PRDM15: variants seen among roughly 807,000 people sequenced by gnomAD.
PRDM15 encodes the protein PR domain zinc finger protein 15.
A neutral mutation model predicts 128.6 loss-of-function variants in PRDM15; 64 were observed. That is an observed-to-expected ratio of 0.50 (90% CI 0.41 to 0.61). The LOEUF (loss-of-function observed/expected upper bound fraction) is 0.61. PRDM15 is among the 20% of genes least tolerant of loss of function. The pLI is 0.00. For missense variants in PRDM15, 1,242 were observed against 1,569.1 expected, an observed-to-expected ratio of 0.79 and a Z score of 3.52; for synonymous variants, 615 against 621.8, an observed-to-expected ratio of 0.99 and a Z score of 0.16.
chr21:41,803,797 T>C (rs2061482579), intron 22 of PRDM15, among the ~76,000 whole-genome samples: 1 of 152,112 alleles, frequency 6.6e-6, no homozygotes, highest in Non-Finnish European at 1.5e-5. Flanking sequence ...ACGAGAGGCA[T>C]ACATGTGATC....
chr21:41,819,910 G>A (rs1351614829), intron 17 of PRDM15, 185 bp downstream of exon 17: 1 of 757,012 alleles, frequency 1.3e-6, no homozygotes, highest in East Asian at 2.7e-5. Context: ...GGGTGAGGGG[G>A]CTGGGGGCGC....
At chr21:41,820,002 CTCTG>C (rs1216775674) in intron 17 of PRDM15, 89 bp downstream of exon 17, 3 of 1,098,728 alleles carry the variant, frequency 2.7e-6, no homozygotes, top group Non-Finnish European at 4.1e-6. Context: ...GGTGCGACGG[CTCTG>C]TGTGTAGAAT....
intron 1 of PRDM15, among the ~76,000 whole-genome samples, chr21:41,873,995 G>A (rs1222314945): frequency 2.0e-5 from 3 of 151,226 alleles, no homozygotes; most frequent in Non-Finnish European, 2.9e-5. Context: ...GCAGTGAGCC[G>A]AGGTTGCAGT....
In PRDM15 at chr21:41,810,853, A is replaced by G; in HGVS notation, c.2393-17T>C. The G allele has an allele frequency of 1.2e-6, 2 of 1,612,100 alleles. No individual in the cohort carries two copies. Among genetic ancestry groups the G allele is most frequent in the Non-Finnish European group, 1.7e-6 (2 of 1,178,274 alleles). ...CTTTAATCCCTGCAGAGAAAGGCGCACATAACTTCCTACGTTTAATGAGTG... is the reference window on the plus strand; with the variant it reads ...CTTTAATCCCTGCAGAGAAAGGCGCGCATAACTTCCTACGTTTAATGAGTG... On this transcript the variant is annotated splice_polypyrimidine_tract_variant and intron_variant, in intron 19 of 23. Coordinates refer to ENST00000398548, the MANE Select transcript of PRDM15 (RefSeq NM_001040424.3). The surrounding 1 kb of genome is among the most constrained non-coding windows in gnomAD (Gnocchi z 6.4).
intron 13 of PRDM15, among the ~76,000 whole-genome samples, chr21:41,825,316 C>T (rs140300532): frequency 7.9e-5 from 12 of 152,378 alleles, no homozygotes; most frequent in South Asian, 2.1e-4. Context: ...TCCCGGGACG[C>T]GCAGCGTGTT....
intron 13 of PRDM15, among the ~76,000 whole-genome samples, chr21:41,823,753 G>C (rs2062369575): frequency 6.6e-6 from 1 of 152,170 alleles, no homozygotes. Flanking sequence ...TATTTCCCTA[G>C]GATGGACTAC....
intron 11 of PRDM15, among the ~76,000 whole-genome samples, chr21:41,831,354 C>T (rs1178995791): frequency 3.9e-5 from 6 of 152,230 alleles, no homozygotes; most frequent in Admixed American, 3.3e-4. Context: ...ACCGGGCTTC[C>T]ACCCAGTAGG....
At chr21:41,840,822 T>C (rs1398988756) in intron 6 of PRDM15, among the ~76,000 whole-genome samples, 2 of 151,606 alleles carry the variant, frequency 1.3e-5, no homozygotes, top group Non-Finnish European at 2.9e-5. Flanking sequence ...TGCTGAATTA[T>C]AACAAGCGGT....
chr21:41,830,722 C>T (rs2062658252), intron 11 of PRDM15, among the ~76,000 whole-genome samples: 3 of 151,836 alleles, frequency 2.0e-5, no homozygotes, highest in African/African-American at 7.3e-5. Context: ...CACAGAAACA[C>T]ACAGCCACAC....
Position 41,802,811 on chromosome 21 carries a change from C to T in PRDM15, c.2844G>A (p.Val948=), listed in dbSNP as rs779497339. The T allele has an allele frequency of 8.1e-6, 13 of 1,614,080 alleles. 1 individual carries two copies. The part of the protein sequence containing the change: ...QKPEEEAGAP[V]PEDATFSEYS... ...ATTCGCTGAAGGTGGCGTCCTCGGG[C>T]ACCGGAGCACCCGCCTCCTCTTCTG... The change falls in exon 23 of 24, where the codon GTG becomes GTA. Residue 948 remains valine (V), a synonymous_variant. Coordinates refer to ENST00000398548, the MANE Select transcript of PRDM15 (RefSeq NM_001040424.3).
chr21:41,810,736 C>T lies in PRDM15; in HGVS notation c.2476+17G>A. ...GCCGCGTGCGCCCCGAAGGCTCCTT[C>T]AGGCTGCGCCGCTCACCTGTGTGGA... On this transcript the variant is annotated intron_variant, in intron 20 of 23. Coordinates refer to ENST00000398548, the MANE Select transcript of PRDM15 (RefSeq NM_001040424.3). The surrounding 1 kb of genome is among the most constrained non-coding windows in gnomAD (Gnocchi z 6.4). The T allele has an allele frequency of 6.2e-7, 1 of 1,612,858 alleles. No homozygotes were observed. Among genetic ancestry groups the T allele is most frequent in the Non-Finnish European group, 8.5e-7 (1 of 1,179,202 alleles).
intron 5 of PRDM15, among the ~76,000 whole-genome samples, chr21:41,852,494 G>A (rs1337902381): frequency 2.6e-5 from 4 of 152,276 alleles, no homozygotes; most frequent in Non-Finnish European, 4.4e-5. Flanking sequence ...GGCCAGGCCA[G>A]GCACCTGGTT....
In PRDM15 at chr21:41,835,417, G is replaced by T; in HGVS notation, c.1366+20C>A. 1 of 1,596,192 alleles carries T rather than the reference G, an allele frequency of 6.3e-7. No individual in the cohort carries two copies. The highest frequency in any genetic ancestry group is 8.5e-7 in the Non-Finnish European group (1 of 1,171,246). On this transcript the variant is annotated intron_variant, in intron 11 of 23. Coordinates refer to ENST00000398548, the MANE Select transcript of PRDM15 (RefSeq NM_001040424.3). ...CCGTACCGCACAGCGGCCGAGGGGA[G>T]ACGTGACCGGCGCCCTCACCTGTCC...
Position 41,819,784 on chromosome 21 carries a change from C to A in PRDM15, c.2141-83G>T, listed in dbSNP as rs879266714. 32 of 1,496,602 alleles carry A rather than the reference C, an allele frequency of 2.1e-5. No homozygotes were observed. In the African/African-American group the frequency reaches 4.0e-4, roughly 19 times the overall value. The allele number at this position is 1,496,602 out of a possible 1,614,324, so 92.7% of individuals were successfully genotyped here. ...AAAGAGGATGCACCAAGGAGAGGGGCCCAGCCTCCCCAGCAGCTAGAAGCG... is the reference window on the plus strand; with the variant it reads ...AAAGAGGATGCACCAAGGAGAGGGGACCAGCCTCCCCAGCAGCTAGAAGCG... On this transcript the variant is annotated intron_variant, in intron 17 of 23. Transcript: ENST00000398548.
At chr21:41,878,650 A>G in intron 1 of PRDM15, 2 of 1,266,676 alleles carry the variant, frequency 1.6e-6, no homozygotes, top group Non-Finnish European at 2.1e-6. Context: ...TGCCACCAAA[A>G]GGCTTACGAA....
At chr21:41,871,373 G>T in intron 1 of PRDM15, 1 of 217,586 alleles carries the variant, frequency 4.6e-6, no homozygotes, top group Non-Finnish European at 7.1e-6. Flanking sequence ...CACCACCTCT[G>T]CCTCTGCCTG....
In PRDM15 at chr21:41,801,308, G is replaced by A. The variant is rs766202873; in HGVS notation, c.3358C>T (p.Pro1120Ser). The A allele has an allele frequency of 2.5e-6, 4 of 1,571,186 alleles. No individual in the cohort carries two copies. The highest frequency in any genetic ancestry group is 1.2e-5 in the South Asian group (1 of 83,766). Residue 1120 changes from proline (P) to serine (S), a missense_variant, in exon 24 of 24, where the codon CCC (proline) becomes TCC (serine). Transcript: ENST00000398548. ...DVLPPSQPQAPPQQAAQPQVQ... is the reference protein window; with the variant it reads ...DVLPPSQPQASPQQAAQPQVQ... ...TGGGGCTGGGCCGCCTGCTGTGGGG[G>A]TGCCTGCGGCTGCGAGGGTGGCAAG...
In PRDM15 at chr21:41,810,714, G is replaced by T. The variant is rs182131754; in HGVS notation, c.2476+39C>A. 1.5e-4 allele frequency: 228 copies of T among 1,557,224 alleles called. 1 individual carries two copies. The highest frequency in any genetic ancestry group is 1.4e-5 in the African/African-American group (1 of 73,994). ...ACTCAGACAGCCCCGGCAGCCTGCC[G>T]CGTGCGCCCCGAAGGCTCCTTCAGG... On this transcript the variant is annotated intron_variant, in intron 20 of 23. Transcript: ENST00000398548. The surrounding 1 kb of genome is among the most constrained non-coding windows in gnomAD (Gnocchi z 6.4).
chr21:41,843,464 C>T (rs1343052489), intron 6 of PRDM15, among the ~76,000 whole-genome samples: 8 of 152,158 alleles, frequency 5.3e-5, no homozygotes, highest in South Asian at 4.1e-4. Context: ...GTATCCTACA[C>T]GCAGAGGACA....
Sources: allele counts gnomAD v4.1 joint callset (sites outside exome capture counted in the v4.1 genomes callset), GRCh38; gene constraint gnomAD v4.1.1; non-coding constraint Gnocchi (gnomAD v3.1); transcripts MANE v1.5; gene names NCBI Gene and HGNC (gene_info 2026-07-23, HGNC 2026-07-21).